The following DPP10 variants were observed in gnomAD, a reference collection of about 807,000 sequenced individuals.
DPP10 encodes the protein inactive dipeptidyl peptidase 10.
In DPP10, 33 loss-of-function variants were observed where a neutral mutation model predicts 120.9. That is an observed-to-expected ratio of 0.27 (90% confidence interval 0.21 to 0.37). The LOEUF (loss-of-function observed/expected upper bound fraction) is 0.37, where lower values mean the gene tolerates loss of function less well. Ranked by LOEUF, DPP10 falls within the 10% of genes least tolerant of loss-of-function variation. The probability of loss-of-function intolerance (pLI) is 1.00; values close to 1 mark genes in which losing one functional copy is unlikely to be tolerated. For synonymous variants in DPP10, 337 were observed against 326.1 expected (o/e 1.03, Z -0.36); for missense variants, 816 against 942.8 (o/e 0.87, Z 1.76).
At chr2:114,570,378 G>T (rs1179548667) in intron 1 of DPP10, among the ~76,000 whole-genome samples, 2 of 152,050 alleles carry the variant, frequency 1.3e-5, no homozygotes, top group African/African-American at 4.8e-5. Context: ...TCACCGTGGG[G>T]CCCCCAAATC....
chr2:114,846,945 A>C (rs1340750746), intron 1 of DPP10, among the ~76,000 whole-genome samples: 3 of 152,160 alleles, frequency 2.0e-5, no homozygotes, highest in Non-Finnish European at 2.9e-5. Context: ...TTCCCTGCTT[A>C]AATTCTTTCA....
chr2:115,129,070 A>C (rs2050214064), intron 1 of DPP10, among the ~76,000 whole-genome samples: 1 of 152,178 alleles, frequency 6.6e-6, no homozygotes, highest in African/African-American at 2.4e-5. Context: ...TTCCCTCTTC[A>C]TGACACTCGG....
At chr2:115,492,899 T>A (rs2076199897) in intron 3 of DPP10, among the ~76,000 whole-genome samples, 1 of 152,094 alleles carries the variant, frequency 6.6e-6, no homozygotes, top group African/African-American at 2.4e-5. Flanking sequence ...GTGAATACTT[T>A]AAAGGTGTTG....
chr2:115,454,410 A>G (rs184344537), intron 3 of DPP10, among the ~76,000 whole-genome samples: 36 of 151,868 alleles, frequency 2.4e-4, no homozygotes, highest in Middle Eastern at 6.8e-3. Flanking sequence ...TATATTCCAG[A>G]CAGTCAAGGT....
rs532862799 is a variant in DPP10, at chr2:115,382,143, G to T, written c.271+38231G>T. Among the ~76,000 whole-genome samples, 29 of 151,422 alleles carry T rather than the reference G, an allele frequency of 1.9e-4. No homozygotes were observed. In the South Asian group the frequency reaches 5.7e-3, roughly 30 times the overall value. On this transcript the variant is annotated intron_variant, in intron 3 of 25. Transcript: ENST00000410059. ...TAAGCAAGCCTGGGCAATGGCGGGC[G>T]CCCCTCCCCCAGCCTCACTGCCACC...
chr2:115,660,357 T>C (rs2088818246), intron 5 of DPP10, among the ~76,000 whole-genome samples: 1 of 152,188 alleles, frequency 6.6e-6, no homozygotes, highest in African/African-American at 2.4e-5. Context: ...CCTACAGTCA[T>C]TGTCAAATGC....
At chr2:114,826,556 G>C (rs1300495332) in intron 1 of DPP10, among the ~76,000 whole-genome samples, 1 of 152,026 alleles carries the variant, frequency 6.6e-6, no homozygotes, top group African/African-American at 2.4e-5. Context: ...TTTTGAGATG[G>C]AGTCTCCTCT....
intron 1 of DPP10, among the ~76,000 whole-genome samples, chr2:115,017,243 G>A (rs1233113498): frequency 2.0e-5 from 3 of 148,872 alleles, no homozygotes; most frequent in East Asian, 2.0e-4. Context: ...AAAAAAGAAA[G>A]AAAAAAAAAT....
chr2:115,003,136 A>T (rs1452819353), intron 1 of DPP10, among the ~76,000 whole-genome samples: 1 of 151,222 alleles, frequency 6.6e-6, no homozygotes, highest in Non-Finnish European at 1.5e-5. Context: ...AGTAGACTAG[A>T]TAAAGAAAAT....
At chr2:114,848,235 C>T (rs1348519549) in intron 1 of DPP10, among the ~76,000 whole-genome samples, 1 of 152,148 alleles carries the variant, frequency 6.6e-6, no homozygotes, top group Non-Finnish European at 1.5e-5. Flanking sequence ...TCATGAGAAA[C>T]TTTAACTCCC....
intron 1 of DPP10, among the ~76,000 whole-genome samples, chr2:115,079,361 G>A (rs11123274): frequency 0.24 from 27,331 of 112,220 alleles, 2,893 homozygotes; most frequent in East Asian, 0.36. Context: ...GCCAGACTCC[G>A]TCTCAAAAAA....
chr2:114,716,844 G>T (rs1245329699), intron 1 of DPP10, among the ~76,000 whole-genome samples: 2 of 152,098 alleles, frequency 1.3e-5, no homozygotes, highest in Admixed American at 6.6e-5. Flanking sequence ...TTTGAGGAAG[G>T]GTAACCAGTT....
chr2:115,777,057 T>C (rs1008917811), intron 13 of DPP10, 151 bp from the exon 14 acceptor site: 2 of 642,200 alleles, frequency 3.1e-6, no homozygotes, highest in African/African-American at 3.7e-5. Flanking sequence ...TTTATAGGAA[T>C]GCATGTTCAT....
intron 1 of DPP10, among the ~76,000 whole-genome samples, chr2:114,915,334 C>T (rs764614357): frequency 1.3e-5 from 2 of 152,088 alleles, no homozygotes; most frequent in African/African-American, 4.8e-5. Context: ...TTTGGGTACC[C>T]AGCTCTGGAG....
At chr2:114,589,041 G>C (rs571315817) in intron 1 of DPP10, among the ~76,000 whole-genome samples, 1,820 of 151,030 alleles carry the variant, frequency 0.012, 53 homozygotes, top group Non-Finnish European at 0.019. Context: ...TTTTTTTGGG[G>C]GGGGGGGTAG....
intron 1 of DPP10, among the ~76,000 whole-genome samples, chr2:114,889,036 T>C (rs1417760503): frequency 6.6e-6 from 1 of 152,170 alleles, no homozygotes; most frequent in Admixed American, 6.5e-5. Context: ...CTGGTGTCTT[T>C]ACGAGAAGGC....
At chr2:115,381,717 A>G (rs2066377088) in intron 3 of DPP10, among the ~76,000 whole-genome samples, 1 of 152,118 alleles carries the variant, frequency 6.6e-6, no homozygotes, top group Non-Finnish European at 1.5e-5. Flanking sequence ...ATGGTGATCT[A>G]CAGGTGGGTT....
chr2:115,023,920 GCAT>G (rs982792038), intron 1 of DPP10, among the ~76,000 whole-genome samples: 8 of 152,008 alleles, frequency 5.3e-5, no homozygotes, highest in African/African-American at 1.7e-4. Flanking sequence ...AAAAAACCAA[GCAT>G]CATATGTTCT....
intron 1 of DPP10, among the ~76,000 whole-genome samples, chr2:115,102,628 C>G (rs1236366768): frequency 6.6e-6 from 1 of 152,032 alleles, no homozygotes; most frequent in East Asian, 1.9e-4. Flanking sequence ...CCAGGCTGGT[C>G]TTGAACTTGG....
Sources: gnomAD v4.1 joint callset for allele counts (sites outside exome capture counted in the v4.1 genomes callset) on GRCh38, gnomAD v4.1.1 for gene constraint, MANE v1.5 for transcripts, NCBI Gene and HGNC (gene_info 2026-07-23, HGNC 2026-07-21) for gene names.